The following PCNT variants were observed in gnomAD, a reference collection of about 807,000 sequenced individuals.
PCNT encodes the protein pericentrin.
In PCNT, 319 loss-of-function variants were observed where a neutral mutation model predicts 380.4. The ratio of observed to expected loss-of-function variants is 0.84; its 90% CI spans 0.77 to 0.92. The LOEUF (loss-of-function observed/expected upper bound fraction) is 0.92. PCNT is among the 40% of genes least tolerant of loss of function. The pLI, the probability that PCNT is intolerant of heterozygous loss-of-function variation, is 0.00. For synonymous variants in PCNT, 1,845 were observed against 1,735.2 expected (o/e 1.06, Z -1.57); for missense variants, 4,400 against 4,255.3 (o/e 1.03, Z -0.95).
intron 15 of PCNT, among the ~76,000 whole-genome samples, chr21:46,374,835 GC>G (rs1216355935): frequency 3.8e-5 from 4 of 104,214 alleles, no homozygotes; most frequent in African/African-American, 1.8e-4. Context: ...GGCAACAAGA[GC>G]AAAACTTCGT....
Position 46,397,465 on chromosome 21 carries a change from C to T in PCNT, c.4417C>T (p.His1473Tyr). 5.6e-6 allele frequency: 9 copies of T among 1,614,090 alleles called. No homozygotes were observed. Among genetic ancestry groups the T allele is most frequent in the Non-Finnish European group, 7.6e-6 (9 of 1,179,972 alleles). ...ACAGCAGGTGGCATCTCTGGACAAG[C>T]ATTTGCGCAACCAGCGGCAATTCAT... ...LEQQVASLDKHLRNQRQFMDE... is the reference protein window; with the variant it reads ...LEQQVASLDKYLRNQRQFMDE... The change falls in exon 22 of 47, where the codon CAT (histidine) becomes TAT (tyrosine). Residue 1473 changes from histidine to tyrosine, a missense_variant. His to Tyr is a moderately conservative substitution (Grantham distance 83). Coordinates refer to ENST00000359568, the MANE Select transcript of PCNT (RefSeq NM_006031.6).
intron 21 of PCNT, among the ~76,000 whole-genome samples, chr21:46,395,623 G>A (rs2086183030): frequency 6.6e-6 from 1 of 151,114 alleles, no homozygotes; most frequent in South Asian, 2.1e-4. Flanking sequence ...TCAGGACTCA[G>A]CAACAGAGAC....
intron 16 of PCNT, among the ~76,000 whole-genome samples, chr21:46,382,326 G>A (rs1161321528): frequency 6.8e-6 from 1 of 146,774 alleles, no homozygotes; most frequent in Admixed American, 6.9e-5. Flanking sequence ...CGCATTCACA[G>A]TGTTGTATAT....
At chr21:46,422,423 G>T (rs999686008) in intron 32 of PCNT, among the ~76,000 whole-genome samples, 2 of 133,036 alleles carry the variant, frequency 1.5e-5, no homozygotes, top group Admixed American at 7.0e-5. Context: ...CCTCTCTCCC[G>T]CCTGTGCCTC....
At chr21:46,325,389 G>A (rs1267972469) in intron 1 of PCNT, among the ~76,000 whole-genome samples, 2 of 152,174 alleles carry the variant, frequency 1.3e-5, no homozygotes, top group African/African-American at 2.4e-5. Flanking sequence ...CCAGGAGGGT[G>A]GAGGGGGGAG....
At chr21:46,416,002 C>T in intron 29 of PCNT, 67 bp from the exon 30 acceptor site, 2 of 1,532,610 alleles carry the variant, frequency 1.3e-6, no homozygotes, top group Non-Finnish European at 1.8e-6. Flanking sequence ...CACTCATTAA[C>T]ACCAGACAGG....
rs528762963 is a variant in PCNT, at chr21:46,392,591, T to TGTGG, written c.4216+1217_4216+1220dup. On this transcript the variant is annotated intron_variant, in intron 21 of 46. Transcript: ENST00000359568. ...GACATGTTTGCTGCCTTTCACAGGATGTGGGGTTCAGGTCGTGCCTCCTCG... is the reference window on the plus strand; with the variant it reads ...GACATGTTTGCTGCCTTTCACAGGATGTGGGTGGGGTTCAGGTCGTGCCTCCTCG... Among the ~76,000 whole-genome samples the TGTGG allele has an allele frequency of 7.9e-4, 120 of 152,360 alleles. 1 individual carries two copies. In the East Asian group the frequency reaches 0.022, roughly 28 times the overall value.
chr21:46,389,361 G>T lies in PCNT; in HGVS notation c.3770G>T (p.Arg1257Leu). 1 of 1,614,248 alleles carries T rather than the reference G, an allele frequency of 6.2e-7. No homozygotes were observed. The highest frequency in any genetic ancestry group is 8.5e-7 in the Non-Finnish European group (1 of 1,180,044). ...GTGCGGGAGTGTGAGCAGCCCATCC[G>T]GAGGGTCTTCCAGAGCCTCAGCCTG... is the stretch of plus-strand genomic sequence containing the variant. ...ESVRECEQPI[R>L]RVFQSLSLAV... Residue 1257 changes from arginine (R) to leucine (L), a missense_variant, in exon 19 of 47, where the codon CGG (arginine) becomes CTG (leucine). Coordinates refer to ENST00000359568, the MANE Select transcript of PCNT (RefSeq NM_006031.6).
chr21:46,324,842 C>G, intron 1 of PCNT: 1 of 982,924 alleles, frequency 1.0e-6, no homozygotes, highest in Non-Finnish European at 1.2e-6. Context: ...CCAGGGTGCG[C>G]CTTCGCCTCG....
chr21:46,360,473 T>C (rs200839549), intron 13 of PCNT, among the ~76,000 whole-genome samples: 1 of 148,114 alleles, frequency 6.8e-6, no homozygotes, highest in East Asian at 2.0e-4. Flanking sequence ...TCCGCCTGCC[T>C]CGGACTCCCA....
At position 46,350,723 on chromosome 21, in the gene PCNT, G is replaced by A. The variant is rs116849261; in HGVS notation, c.1345-706G>A. On this transcript the variant is annotated intron_variant, in intron 8 of 46. Coordinates refer to ENST00000359568, the MANE Select transcript of PCNT (RefSeq NM_006031.6). ...CCCACACACCCTCCTCTCCTGCAGAGAGTCCAGGCCGGGGCTCACTCCACA... is the reference window on the plus strand; with the variant it reads ...CCCACACACCCTCCTCTCCTGCAGAAAGTCCAGGCCGGGGCTCACTCCACA... Among the ~76,000 whole-genome samples the A allele has an allele frequency of 4.3e-4, 65 of 152,272 alleles. No homozygotes were observed. In the East Asian group the frequency reaches 8.3e-3, roughly 19 times the overall value.
At chr21:46,407,253 A>G (rs770968830) in intron 27 of PCNT, among the ~76,000 whole-genome samples, 3 of 151,524 alleles carry the variant, frequency 2.0e-5, no homozygotes, top group Non-Finnish European at 4.4e-5. Flanking sequence ...TTTCTGTTTC[A>G]TGTTGTGATA....
Position 46,425,392 on chromosome 21 carries a change from C to T in PCNT, c.7180-439C>T, listed in dbSNP as rs936474651. ...GCCTCAGCCGGACCACGCACAGAGG[C>T]CTCCTGGGTGGCCATCGTGTGGCCT... On this transcript the variant is annotated intron_variant, in intron 32 of 46. Coordinates refer to ENST00000359568, the MANE Select transcript of PCNT (RefSeq NM_006031.6). The surrounding 1 kb of genome is among the most constrained non-coding windows in gnomAD (Gnocchi z 4.2). 3.3e-5 allele frequency among the ~76,000 whole-genome samples: 5 copies of T among 152,346 alleles called. No individual in the cohort carries two copies. Among genetic ancestry groups the T allele is most frequent in the East Asian group, 3.9e-4 (2 of 5,186 alleles).
At position 46,431,455 on chromosome 21, in the gene PCNT, A is replaced by G. The variant is rs2073375; in HGVS notation, c.8065-74A>G. 3.6e-3 allele frequency: 5,743 copies of G among 1,612,154 alleles called. 21 individuals carry two copies. Among genetic ancestry groups the G allele is most frequent in the East Asian group, 0.013 (562 of 44,864 alleles). Reference sequence around the variant, plus strand: ...TTGCTGGGCTAAAGTATATAAACAAATGTGGACAGGAAAACCATGTAGACA... The same window carrying G: ...TTGCTGGGCTAAAGTATATAAACAAGTGTGGACAGGAAAACCATGTAGACA... On this transcript the variant is annotated intron_variant, in intron 37 of 46. Coordinates refer to ENST00000359568, the MANE Select transcript of PCNT (RefSeq NM_006031.6).
intron 15 of PCNT, among the ~76,000 whole-genome samples, chr21:46,375,374 C>G (rs756509393): frequency 5.9e-5 from 9 of 152,196 alleles, no homozygotes; most frequent in Non-Finnish European, 1.2e-4. Flanking sequence ...AATTGAATGT[C>G]TTTGCCTTCT....
chr21:46,435,234 GT>G (rs1032414240), intron 38 of PCNT, among the ~76,000 whole-genome samples: 2 of 151,736 alleles, frequency 1.3e-5, no homozygotes, highest in African/African-American at 4.8e-5. Flanking sequence ...TTTTGGTTTG[GT>G]TTTTTTTGGT....
At chr21:46,430,764 C>G in intron 37 of PCNT, 107 bp downstream of exon 37, 1 of 1,539,218 alleles carries the variant, frequency 6.5e-7, no homozygotes, top group Non-Finnish European at 8.7e-7. Context: ...GGCAGTGCAC[C>G]CAGTTGACAG....
intron 27 of PCNT, among the ~76,000 whole-genome samples, chr21:46,403,791 TGTGTG>T (rs2086528685): frequency 7.8e-6 from 1 of 127,658 alleles, no homozygotes. Context: ...GTGGGAGAAT[TGTGTG>T]TGTGGTGCCC....
At chr21:46,413,693 T>A (rs1443541224) in intron 29 of PCNT, among the ~76,000 whole-genome samples, 1 of 152,234 alleles carries the variant, frequency 6.6e-6, no homozygotes, top group Non-Finnish European at 1.5e-5. Flanking sequence ...GCTCAGGACT[T>A]TGATGGCCAG....
Sources: allele counts gnomAD v4.1 joint callset (sites outside exome capture counted in the v4.1 genomes callset), GRCh38; gene constraint gnomAD v4.1.1; non-coding constraint Gnocchi (gnomAD v3.1); transcripts MANE v1.5; gene names NCBI Gene and HGNC (gene_info 2026-07-23, HGNC 2026-07-21).